Variants in FHIT observed in about 807,000 individuals in gnomAD.
The protein encoded by FHIT is fragile histidine triad diadenosine triphosphatase.
A neutral mutation model predicts 17.9 loss-of-function variants in FHIT; 19 were observed. The observed-to-expected ratio is 1.06, with a 90% CI of 0.74 to 1.56. FHIT has a LOEUF of 1.56. Among genes scored for constraint, FHIT ranks in the 40% most tolerant of loss-of-function variants. The pLI is 0.00. For missense variants in FHIT, 248 were observed against 189.2 expected (o/e 1.31, Z -1.82); for synonymous variants, 81 against 69.7 (o/e 1.16, Z -0.81).
chr3:61,155,104 A>G (rs2037498277), intron 2 of FHIT, among the ~76,000 whole-genome samples: 1 of 152,240 alleles, frequency 6.6e-6, no homozygotes, highest in Non-Finnish European at 1.5e-5. Context: ...TCCCCAAGGC[A>G]GCAATCTACA....
intron 5 of FHIT, among the ~76,000 whole-genome samples, chr3:60,358,801 T>C (rs550006014): frequency 2.0e-5 from 3 of 152,308 alleles, no homozygotes; most frequent in African/African-American, 7.2e-5. Context: ...TCTTCACTAG[T>C]TGTAGGTCTT....
At chr3:60,125,287 T>C (rs1343472861) in intron 5 of FHIT, among the ~76,000 whole-genome samples, 1 of 152,174 alleles carries the variant, frequency 6.6e-6, no homozygotes, top group African/African-American at 2.4e-5. Context: ...TTCTGTAAAA[T>C]GGTGGTAATA....
chr3:59,797,300 C>T (rs1337287322), intron 8 of FHIT, among the ~76,000 whole-genome samples: 1 of 151,876 alleles, frequency 6.6e-6, no homozygotes, highest in Admixed American at 6.6e-5. Context: ...AATTCTCATG[C>T]CTCAGCTTCC....
intron 8 of FHIT, among the ~76,000 whole-genome samples, chr3:59,895,743 C>T (rs1327844715): frequency 6.6e-6 from 1 of 152,248 alleles, no homozygotes; most frequent in African/African-American, 2.4e-5. Flanking sequence ...CCATTCTCCA[C>T]AGAGCAATAA....
intron 5 of FHIT, among the ~76,000 whole-genome samples, chr3:60,521,437 C>T (rs919722602): frequency 2.6e-5 from 4 of 151,950 alleles, no homozygotes; most frequent in South Asian, 2.1e-4. Context: ...TTAGTAGAGA[C>T]GGGGTTTCAC....
Position 60,313,773 on chromosome 3 carries a change from T to C in FHIT, c.103+223087A>G, listed in dbSNP as rs138205706. On this transcript the variant is annotated intron_variant, in intron 5 of 9. Transcript: ENST00000492590. ...AAAAGAAAATCTGAGAGGATGAGGT[T>C]AGATCTTTCTAATCTTGACTCTGTG... 8.2e-3 allele frequency among the ~76,000 whole-genome samples: 1,244 copies of C among 152,286 alleles called. 18 individuals are homozygous for C. Among genetic ancestry groups the C allele is most frequent in the African/African-American group, 0.028 (1,167 of 41,568 alleles).
intron 5 of FHIT, among the ~76,000 whole-genome samples, chr3:60,466,207 G>A (rs1173489964): frequency 6.6e-6 from 1 of 152,014 alleles, no homozygotes; most frequent in Non-Finnish European, 1.5e-5. Context: ...ATATAAAAAT[G>A]CTACTGATTT....
chr3:60,441,718 A>ATT (rs11280943), intron 5 of FHIT, among the ~76,000 whole-genome samples: 36 of 93,810 alleles, frequency 3.8e-4, no homozygotes, highest in South Asian at 8.4e-4. Context: ...ATATATATAT[A>ATT]TATATTTGTA....
At chr3:60,586,573 A>T (rs2037913753) in intron 4 of FHIT, among the ~76,000 whole-genome samples, 1 of 152,102 alleles carries the variant, frequency 6.6e-6, no homozygotes, top group Non-Finnish European at 1.5e-5. Context: ...TCACAAAAGC[A>T]AAGACATGGA....
At chr3:61,005,916 C>G (rs542165727) in intron 3 of FHIT, among the ~76,000 whole-genome samples, 1 of 152,174 alleles carries the variant, frequency 6.6e-6, no homozygotes, top group African/African-American at 2.4e-5. Flanking sequence ...GGCCCCTCTC[C>G]TTACTAGCTG....
At chr3:60,618,393 G>A (rs782306687) in intron 4 of FHIT, among the ~76,000 whole-genome samples, 17 of 152,174 alleles carry the variant, frequency 1.1e-4, no homozygotes, top group Non-Finnish European at 2.2e-4. Context: ...TAGGTATTAA[G>A]CCCAGCATCC....
intron 3 of FHIT, among the ~76,000 whole-genome samples, chr3:60,827,752 A>C (rs534140746): frequency 6.6e-6 from 1 of 152,338 alleles, no homozygotes; most frequent in African/African-American, 2.4e-5. Flanking sequence ...ATGGGTGATA[A>C]GAACATCTCT....
intron 5 of FHIT, among the ~76,000 whole-genome samples, chr3:60,253,570 T>G (rs1349859869): frequency 1.3e-5 from 2 of 152,214 alleles, no homozygotes; most frequent in African/African-American, 2.4e-5. Flanking sequence ...CAGTCAATGA[T>G]TTTCTCATTT....
At chr3:60,236,697 T>C (rs1704816683) in intron 5 of FHIT, among the ~76,000 whole-genome samples, 1 of 152,210 alleles carries the variant, frequency 6.6e-6, no homozygotes, top group South Asian at 2.1e-4. Context: ...CAATTGAGTG[T>C]TTTATTTCCT....
chr3:59,952,188 AT>A lies in FHIT; in HGVS notation c.280-29775del, dbSNP rs541514791. ...GATGTTTGAATTTTTTGGACACTGG[AT>A]TTTTTTCATCGTATAAATGATTTCA... On this transcript the variant is annotated intron_variant, in intron 7 of 9. Coordinates refer to ENST00000492590, the MANE Select transcript of FHIT (RefSeq NM_002012.4). Among the ~76,000 whole-genome samples, 243 of 152,146 alleles carry A rather than the reference AT, an allele frequency of 1.6e-3. 1 individual carries two copies. The highest frequency in any genetic ancestry group is 2.4e-3 in the Non-Finnish European group (164 of 67,980).
chr3:60,839,816 T>C (rs1702658939), intron 3 of FHIT, among the ~76,000 whole-genome samples: 1 of 152,106 alleles, frequency 6.6e-6, no homozygotes, highest in African/African-American at 2.4e-5. Context: ...TTTACATAAC[T>C]GCTATCGCAC....
chr3:60,994,902 T>C lies in FHIT; in HGVS notation c.-111+47145A>G, dbSNP rs148277207. On this transcript the variant is annotated intron_variant, in intron 3 of 9. Coordinates refer to ENST00000492590, the MANE Select transcript of FHIT (RefSeq NM_002012.4). Reference sequence around the variant, plus strand: ...CCATGAAGGAATAATAATGGTACAGTGTTGCCAGGTTTTCCAATTTTCTAA... The same window carrying C: ...CCATGAAGGAATAATAATGGTACAGCGTTGCCAGGTTTTCCAATTTTCTAA... Among the ~76,000 whole-genome samples, 186 of 152,342 alleles carry C rather than the reference T, an allele frequency of 1.2e-3. 1 individual carries two copies. Among genetic ancestry groups the C allele is most frequent in the African/African-American group, 4.4e-3 (182 of 41,574 alleles).
chr3:60,565,828 C>A (rs906101328), intron 4 of FHIT, among the ~76,000 whole-genome samples: 1 of 152,018 alleles, frequency 6.6e-6, no homozygotes, highest in Non-Finnish European at 1.5e-5. Flanking sequence ...GCTCTTGCTT[C>A]TCTAGTTCTT....
intron 5 of FHIT, among the ~76,000 whole-genome samples, chr3:60,237,687 G>A (rs1408577071): frequency 1.3e-5 from 2 of 152,106 alleles, no homozygotes; most frequent in African/African-American, 2.4e-5. Context: ...CTTGCATTCG[G>A]TTTGCAGTTT....
Sources: allele counts gnomAD v4.1 joint callset (sites outside exome capture counted in the v4.1 genomes callset), GRCh38; gene constraint gnomAD v4.1.1; transcripts MANE v1.5; gene names NCBI Gene and HGNC (gene_info 2026-07-23, HGNC 2026-07-21).